GRM7: variants seen among roughly 807,000 people sequenced by gnomAD.
The protein encoded by GRM7 is metabotropic glutamate receptor 7.
A neutral mutation model predicts 84.5 loss-of-function variants in GRM7; 35 were observed. The ratio of observed to expected loss-of-function variants is 0.41; its 90% CI spans 0.32 to 0.55. The LOEUF is 0.55. Among genes scored for constraint, GRM7 ranks in the 20% least tolerant of loss-of-function variants. The pLI is 0.19. For missense variants in GRM7, 1,003 were observed against 1,194.6 expected (o/e 0.84, Z 2.36); for synonymous variants, 487 against 455.1 (o/e 1.07, Z -0.89).
intron 4 of GRM7, among the ~76,000 whole-genome samples, chr3:7,337,633 G>A (rs1057383753): frequency 1.3e-5 from 2 of 151,714 alleles, no homozygotes; most frequent in Non-Finnish European, 2.9e-5. Flanking sequence ...TACACAAATG[G>A]CCAATAAACA....
At chr3:7,076,863 A>T (rs149308465) in intron 1 of GRM7, among the ~76,000 whole-genome samples, 1 of 152,314 alleles carries the variant, frequency 6.6e-6, no homozygotes, top group East Asian at 1.9e-4. Context: ...AGAATCTACA[A>T]GGAACTTAAA....
chr3:7,422,685 A>G (rs1016223010), intron 5 of GRM7, among the ~76,000 whole-genome samples: 1 of 152,194 alleles, frequency 6.6e-6, no homozygotes, highest in African/African-American at 2.4e-5. Flanking sequence ...CACAGAGCCA[A>G]GTACTGACCA....
chr3:7,029,128 A>T (rs1696090359), intron 1 of GRM7, among the ~76,000 whole-genome samples: 1 of 152,074 alleles, frequency 6.6e-6, no homozygotes, highest in Non-Finnish European at 1.5e-5. Flanking sequence ...ACATGGTGAA[A>T]CCCTGTCTCA....
At chr3:7,350,492 A>T (rs1222059264) in intron 4 of GRM7, among the ~76,000 whole-genome samples, 1 of 152,010 alleles carries the variant, frequency 6.6e-6, no homozygotes, top group Non-Finnish European at 1.5e-5. Flanking sequence ...TTCCTCCATG[A>T]TTGCAAGTTT....
intron 4 of GRM7, among the ~76,000 whole-genome samples, chr3:7,318,951 C>A (rs146181267): frequency 6.6e-6 from 1 of 151,974 alleles, no homozygotes; most frequent in Non-Finnish European, 1.5e-5. Context: ...GCCAATTTGT[C>A]GTTTGGATTT....
At chr3:6,980,680 G>A (rs1202456605) in intron 1 of GRM7, among the ~76,000 whole-genome samples, 1 of 152,208 alleles carries the variant, frequency 6.6e-6, no homozygotes, top group Non-Finnish European at 1.5e-5. Flanking sequence ...GTAATGAGAT[G>A]TTCACAGGTC....
At chr3:7,259,236 C>G (rs1698318998) in intron 2 of GRM7, among the ~76,000 whole-genome samples, 1 of 152,152 alleles carries the variant, frequency 6.6e-6, no homozygotes, top group Non-Finnish European at 1.5e-5. Context: ...GTTTTGCCAT[C>G]TGTAAAGTGA....
At chr3:7,419,429 T>C (rs1696306973) in intron 5 of GRM7, among the ~76,000 whole-genome samples, 1 of 152,156 alleles carries the variant, frequency 6.6e-6, no homozygotes, top group Non-Finnish European at 1.5e-5. Context: ...TGAGGAGCTG[T>C]GTCCTTACAT....
intron 8 of GRM7, among the ~76,000 whole-genome samples, chr3:7,643,331 C>CAA (rs57543472): frequency 0.85 from 127,732 of 150,742 alleles, 54,178 homozygotes; most frequent in South Asian, 0.88. Context: ...GAAAAACAAA[C>CAA]AAAAAAAACA....
chr3:6,914,904 G>A (rs540795497), intron 1 of GRM7, among the ~76,000 whole-genome samples: 11 of 152,140 alleles, frequency 7.2e-5, no homozygotes, highest in East Asian at 1.9e-4. Context: ...GGCCCCTATC[G>A]TTCTTTGCAC....
rs78627447 is a variant in GRM7 at position 7,114,198 on chromosome 3, A to G, written c.520-32254A>G. Among the ~76,000 whole-genome samples the G allele has an allele frequency of 7.2e-3, 1,103 of 152,318 alleles. 10 individuals carry two copies. Among genetic ancestry groups the G allele is most frequent in the African/African-American group, 0.025 (1,052 of 41,582 alleles). On this transcript the variant is annotated intron_variant, in intron 1 of 9. Transcript: ENST00000357716. The stretch of plus-strand genomic sequence containing the variant: ...TTGGTTTACTCTAGTGCAGATATGA[A>G]CAATAGCACATACTTACTAGAAGTG...
At chr3:7,607,853 A>G (rs372031605) in intron 8 of GRM7, 1 of 158,028 alleles carries the variant, frequency 6.3e-6, no homozygotes. Flanking sequence ...CCCAGTAACC[A>G]ATAGTTACCT....
intron 3 of GRM7, among the ~76,000 whole-genome samples, chr3:7,301,381 C>T (rs1057164772): frequency 1.2e-4 from 18 of 152,076 alleles, no homozygotes; most frequent in Admixed American, 4.6e-4. Context: ...TCTTTCTGTT[C>T]CAGTACTTTA....
chr3:7,122,536 T>A (rs9872427), intron 1 of GRM7, among the ~76,000 whole-genome samples: 40,592 of 152,064 alleles, frequency 0.27, 6,329 homozygotes, highest in African/African-American at 0.44. Flanking sequence ...CTTCAAATGG[T>A]ATGAACTAAT....
intron 1 of GRM7, among the ~76,000 whole-genome samples, chr3:7,009,782 A>T (rs1004830209): frequency 6.6e-6 from 1 of 152,130 alleles, no homozygotes; most frequent in Non-Finnish European, 1.5e-5. Flanking sequence ...AGAGACCTTA[A>T]CTAGGGTCCA....
intron 8 of GRM7, among the ~76,000 whole-genome samples, chr3:7,590,404 C>T (rs1039841540): frequency 1.3e-5 from 2 of 151,952 alleles, no homozygotes; most frequent in African/African-American, 2.4e-5. Context: ...CATTCATCTA[C>T]GTACTGCCTA....
chr3:7,140,268 T>G (rs1362845044), intron 1 of GRM7, among the ~76,000 whole-genome samples: 1 of 151,904 alleles, frequency 6.6e-6, no homozygotes, highest in South Asian at 2.1e-4. Flanking sequence ...AGGTAGGTAG[T>G]ATGTCAGAAA....
chr3:7,529,464 A>G (rs1700942690), intron 7 of GRM7, among the ~76,000 whole-genome samples: 1 of 152,118 alleles, frequency 6.6e-6, no homozygotes, highest in South Asian at 2.1e-4. Flanking sequence ...AGTCTGTTAT[A>G]TGGACAGAAA....
At chr3:6,922,032 C>T (rs780702460) in intron 1 of GRM7, among the ~76,000 whole-genome samples, 2 of 152,158 alleles carry the variant, frequency 1.3e-5, no homozygotes, top group Admixed American at 6.5e-5. Context: ...GTTGGAGGGC[C>T]GTGGGGTTAG....
Sources: allele counts gnomAD v4.1 joint callset (sites outside exome capture counted in the v4.1 genomes callset), GRCh38; gene constraint gnomAD v4.1.1; transcripts MANE v1.5; gene names NCBI Gene and HGNC (gene_info 2026-07-23, HGNC 2026-07-21).